The following B3GLCT variants were observed in gnomAD, a reference collection of about 807,000 sequenced individuals.
B3GLCT encodes beta-1,3-glucosyltransferase.
A neutral mutation model predicts 63.4 loss-of-function variants in B3GLCT; 65 were observed. The observed-to-expected ratio is 1.03, with a 90% CI of 0.84 to 1.26. The LOEUF (loss-of-function observed/expected upper bound fraction) is 1.26, where lower values mean the gene tolerates loss of function less well. Ranked by LOEUF, B3GLCT falls within the 50% of genes most tolerant of loss-of-function variation. The probability of loss-of-function intolerance (pLI) is 0.00; values close to 1 mark genes in which losing one functional copy is unlikely to be tolerated. For missense variants in B3GLCT, 577 were observed against 604.8 expected (o/e 0.95, Z 0.48); for synonymous variants, 233 against 219.2 (o/e 1.06, Z -0.55).
chr13:31,319,220 C>T (rs1875205672), intron 13 of B3GLCT, among the ~76,000 whole-genome samples: 1 of 152,218 alleles, frequency 6.6e-6, no homozygotes, highest in African/African-American at 2.4e-5. Flanking sequence ...GCACCTTTAA[C>T]TTCTGTGCTC....
intron 1 of B3GLCT, among the ~76,000 whole-genome samples, chr13:31,208,433 G>T (rs1477271077): frequency 1.3e-5 from 2 of 152,206 alleles, no homozygotes; most frequent in East Asian, 3.9e-4. Flanking sequence ...CCTGTGCTGG[G>T]CTCACCCCTG....
chr13:31,273,114 A>G (rs1872641494), intron 8 of B3GLCT, among the ~76,000 whole-genome samples: 1 of 152,132 alleles, frequency 6.6e-6, no homozygotes, highest in Non-Finnish European at 1.5e-5. Context: ...CTTTTGAGAC[A>G]GAGTCTCTCT....
intron 8 of B3GLCT, among the ~76,000 whole-genome samples, chr13:31,270,411 C>T (rs1031349641): frequency 1.6e-4 from 24 of 152,062 alleles, no homozygotes; most frequent in African/African-American, 4.1e-4. Flanking sequence ...TCTTCTCTTC[C>T]ACAAAGATGA....
chr13:31,295,885 C>T (rs781418127), intron 12 of B3GLCT, among the ~76,000 whole-genome samples: 3 of 152,178 alleles, frequency 2.0e-5, no homozygotes, highest in African/African-American at 4.8e-5. Flanking sequence ...GCAGCTATCT[C>T]AATGTCTGCC....
chr13:31,258,444 A>G (rs1319095734), intron 6 of B3GLCT, among the ~76,000 whole-genome samples: 2 of 152,016 alleles, frequency 1.3e-5, no homozygotes, highest in African/African-American at 4.8e-5. Context: ...TAATACTACT[A>G]CGCTGTTTCA....
At chr13:31,265,014 C>T (rs192561847) in intron 7 of B3GLCT, among the ~76,000 whole-genome samples, 291 of 152,238 alleles carry the variant, frequency 1.9e-3, no homozygotes, top group Middle Eastern at 6.8e-3. Context: ...AATCTGGTTC[C>T]TCTTGTGGTT....
chr13:31,293,903 G>A (rs540547478), intron 12 of B3GLCT, among the ~76,000 whole-genome samples: 4 of 152,240 alleles, frequency 2.6e-5, no homozygotes, highest in South Asian at 2.1e-4. Flanking sequence ...TCATAGTGTC[G>A]AAGGTCTTTA....
At chr13:31,293,649 A>G (rs1255181283) in intron 12 of B3GLCT, among the ~76,000 whole-genome samples, 1 of 151,694 alleles carries the variant, frequency 6.6e-6, no homozygotes, top group Non-Finnish European at 1.5e-5. Context: ...TTTGCTTTCC[A>G]TTTTCTTGAT....
Position 31,269,216 on chromosome 13 carries a change from T to C in B3GLCT, c.599T>C (p.Leu200Pro), listed in dbSNP as rs1189025837. Reference sequence around the variant, plus strand: ...ATCAAATTGTCTCTATTTTCTAGGCTTACCAAGAGACTAAAGAGTGAATCC... The same window carrying C: ...ATCAAATTGTCTCTATTTTCTAGGCCTACCAAGAGACTAAAGAGTGAATCC... ...WALSIPLVNKLTKRLKSESLK... is the reference protein window; with the variant it reads ...WALSIPLVNKPTKRLKSESLK... Residue 200 changes from leucine to proline, a missense_variant and splice_region_variant, in exon 8 of 15, where the codon CTT (leucine) becomes CCT (proline). Transcript: ENST00000343307. 1.9e-6 allele frequency: 3 copies of C among 1,606,158 alleles called. No homozygotes were observed. The highest frequency in any genetic ancestry group is 2.6e-6 in the Non-Finnish European group (3 of 1,172,958).
rs1348687767 is a variant in B3GLCT, at chr13:31,229,223, A to G, written c.199A>G (p.Asn67Asp). 1.9e-6 allele frequency: 3 copies of G among 1,613,012 alleles called. No individual in the cohort carries two copies. The East Asian group carries it at 6.7e-5, about 36-fold the overall frequency. The change falls in exon 4 of 15, where the codon AAT (asparagine) becomes GAT (aspartate). Residue 67 changes from asparagine (N) to aspartate (D), a missense_variant. Coordinates refer to ENST00000343307, the MANE Select transcript of B3GLCT (RefSeq NM_194318.4). ...GIVFVIQSQS[N>D]SFHAKRAEQL... is the part of the protein sequence containing the mutation. ...TGTATTCGTCATCCAGAGTCAAAGT[A>G]ATTCTTTTCATGCAAAGAGAGCAGA...
At chr13:31,294,124 G>C (rs949203874) in intron 12 of B3GLCT, among the ~76,000 whole-genome samples, 1 of 152,166 alleles carries the variant, frequency 6.6e-6, no homozygotes, top group Non-Finnish European at 1.5e-5. Flanking sequence ...TAAGAATGTT[G>C]AATATTGGCA....
chr13:31,260,777 A>G (rs536245792), intron 6 of B3GLCT, among the ~76,000 whole-genome samples, 169 bp from the exon 7 acceptor site: 1 of 152,332 alleles, frequency 6.6e-6, no homozygotes, highest in Non-Finnish European at 1.5e-5. Context: ...TCATTATCAT[A>G]CTAGTGTTAA....
chr13:31,212,349 A>G (rs1225131270), intron 1 of B3GLCT, among the ~76,000 whole-genome samples: 3 of 140,444 alleles, frequency 2.1e-5, no homozygotes, highest in African/African-American at 8.1e-5. Context: ...ATCTTGGCTC[A>G]CTGCAAGCCC....
intron 1 of B3GLCT, among the ~76,000 whole-genome samples, chr13:31,206,256 A>G (rs1449646508): frequency 1.3e-5 from 2 of 152,186 alleles, no homozygotes; most frequent in African/African-American, 2.4e-5. Context: ...TGTGTCCTAA[A>G]GAAGCCTGTA....
At chr13:31,263,337 T>C (rs1353341525) in intron 7 of B3GLCT, among the ~76,000 whole-genome samples, 21 of 152,232 alleles carry the variant, frequency 1.4e-4, no homozygotes, top group Admixed American at 1.4e-3. Flanking sequence ...TTCCTTTGAC[T>C]TACTGTCTGA....
intron 12 of B3GLCT, among the ~76,000 whole-genome samples, chr13:31,310,777 C>A (rs1412983574): frequency 6.6e-6 from 1 of 152,250 alleles, no homozygotes; most frequent in Non-Finnish European, 1.5e-5. Context: ...GGTAACACCC[C>A]TTGGGGCTCC....
In B3GLCT at chr13:31,200,008, C is replaced by A; in HGVS notation, c.-77C>A. 1 of 899,338 alleles carries A rather than the reference C, an allele frequency of 1.1e-6. No individual in the cohort carries two copies. Among genetic ancestry groups the A allele is most frequent in the Non-Finnish European group, 1.4e-6 (1 of 703,550 alleles). 55.7% of individuals were successfully genotyped at this position (899,338 alleles called of 1,614,324 possible). Reference sequence around the variant, plus strand: ...GTCAGCCGCGGCGGCAGGGCGGCGGCGGCAGCGGCGCAGCTCCGCTCCCCG... The same window carrying A: ...GTCAGCCGCGGCGGCAGGGCGGCGGAGGCAGCGGCGCAGCTCCGCTCCCCG... On this transcript the variant is annotated 5_prime_UTR_variant, in exon 1 of 15. Coordinates refer to ENST00000343307, the MANE Select transcript of B3GLCT (RefSeq NM_194318.4).
intron 8 of B3GLCT, among the ~76,000 whole-genome samples, chr13:31,270,256 G>A (rs1271978281): frequency 6.6e-6 from 1 of 152,194 alleles, no homozygotes; most frequent in Non-Finnish European, 1.5e-5. Flanking sequence ...AGGACATTAA[G>A]GTAAATCTTG....
intron 1 of B3GLCT, among the ~76,000 whole-genome samples, chr13:31,211,225 T>C (rs1869241290): frequency 1.3e-5 from 2 of 152,018 alleles, no homozygotes; most frequent in South Asian, 4.1e-4. Flanking sequence ...CAAAACCCCA[T>C]CTCTACTAAA....
Sources: allele counts gnomAD v4.1 joint callset (sites outside exome capture counted in the v4.1 genomes callset), GRCh38; gene constraint gnomAD v4.1.1; transcripts MANE v1.5; gene names NCBI Gene and HGNC (gene_info 2026-07-23, HGNC 2026-07-21).